The following TBC1D8 variants were observed in gnomAD, a reference collection of about 807,000 sequenced individuals.
The protein encoded by TBC1D8 is TBC1 domain family member 8, also known as BUB2-like protein 1.
In TBC1D8, 65 loss-of-function variants were observed where a neutral mutation model predicts 118.8. The ratio of observed to expected loss-of-function variants is 0.55; its 90% confidence interval spans 0.45 to 0.67. TBC1D8 has a LOEUF of 0.67. TBC1D8 is among the 30% of genes least tolerant of loss of function. The pLI, the probability that TBC1D8 is intolerant of heterozygous loss-of-function variation, is 0.00. For missense variants in TBC1D8, 1,376 were observed against 1,471.2 expected, an observed-to-expected ratio of 0.94 and a Z score of 1.06; for synonymous variants, 566 against 595.8, an observed-to-expected ratio of 0.95 and a Z score of 0.73.
chr2:101,111,744 A>T (rs1268604016), intron 1 of TBC1D8, among the ~76,000 whole-genome samples: 1 of 152,194 alleles, frequency 6.6e-6, no homozygotes, highest in Admixed American at 6.5e-5. Flanking sequence ...GTCTTCACTC[A>T]AAACCTGAAA....
chr2:101,071,382 T>C (rs758148427), intron 2 of TBC1D8, among the ~76,000 whole-genome samples: 1 of 151,854 alleles, frequency 6.6e-6, no homozygotes, highest in Non-Finnish European at 1.5e-5. Context: ...AATAAATAAA[T>C]AAATAAATAA....
intron 1 of TBC1D8, among the ~76,000 whole-genome samples, chr2:101,094,475 C>A (rs1257974362): frequency 6.6e-6 from 1 of 152,194 alleles, no homozygotes; most frequent in African/African-American, 2.4e-5. Context: ...CACACCCCCA[C>A]ATGCTTGGCA....
chr2:101,059,591 T>G, intron 2 of TBC1D8, 52 bp from the exon 3 acceptor site: 3 of 1,397,480 alleles, frequency 2.1e-6, no homozygotes, highest in Non-Finnish European at 3.0e-6. Context: ...ATAGAAGTAA[T>G]TCCTAGAACG....
At chr2:101,018,931 C>G in intron 17 of TBC1D8, 3 of 1,578,178 alleles carry the variant, frequency 1.9e-6, no homozygotes, top group Non-Finnish European at 2.6e-6. Flanking sequence ...TCCTAATCTT[C>G]TGGAATGCTC....
chr2:101,122,106 T>TC (rs1678140534), intron 1 of TBC1D8, among the ~76,000 whole-genome samples: 1 of 146,700 alleles, frequency 6.8e-6, no homozygotes, highest in Non-Finnish European at 1.5e-5. Context: ...GGAGTCTTGC[T>TC]CTGCCGCGAG....
chr2:101,025,353 C>T (rs1204680345), intron 15 of TBC1D8, among the ~76,000 whole-genome samples: 8 of 152,054 alleles, frequency 5.3e-5, no homozygotes, highest in Admixed American at 4.6e-4. Flanking sequence ...CAGCCACCCG[C>T]GTAGCTGGGA....
intron 2 of TBC1D8, among the ~76,000 whole-genome samples, chr2:101,072,874 C>T (rs59206209): frequency 0.09 from 13,615 of 152,042 alleles, 1,759 homozygotes; most frequent in African/African-American, 0.28. Flanking sequence ...GGGATCTGCC[C>T]CCCGACCCAA....
intron 5 of TBC1D8, among the ~76,000 whole-genome samples, chr2:101,048,439 G>T (rs1681845692): frequency 6.6e-6 from 1 of 152,072 alleles, no homozygotes; most frequent in Non-Finnish European, 1.5e-5. Flanking sequence ...TTCACAGGGG[G>T]CAACGAGCAC....
chr2:101,103,638 C>T (rs554275807), intron 1 of TBC1D8, among the ~76,000 whole-genome samples: 4 of 152,112 alleles, frequency 2.6e-5, no homozygotes, highest in South Asian at 2.1e-4. Flanking sequence ...ATGATCCGCC[C>T]GCCTTGGCCT....
intron 1 of TBC1D8, among the ~76,000 whole-genome samples, chr2:101,121,630 G>T (rs2104234480): frequency 6.6e-6 from 1 of 152,354 alleles, no homozygotes; most frequent in South Asian, 2.1e-4. Context: ...TCAAGAAAAG[G>T]CCCCAGCTGC....
At chr2:101,056,379 T>C (rs1682435196) in intron 3 of TBC1D8, among the ~76,000 whole-genome samples, 1 of 151,982 alleles carries the variant, frequency 6.6e-6, no homozygotes, top group Non-Finnish European at 1.5e-5. Context: ...AATTTCTGTA[T>C]TTTTAGTAGA....
Position 101,060,275 on chromosome 2 carries a change from C to T in TBC1D8, c.284-736G>A, listed in dbSNP as rs1161201117. 4.6e-5 allele frequency among the ~76,000 whole-genome samples: 7 copies of T among 152,316 alleles called. No homozygotes were observed. In the East Asian group the frequency reaches 1.2e-3, roughly 25 times the overall value. Reference sequence around the variant, plus strand: ...AAGTTCTCCCATGAAAACAAGGGTGCCTTCAAGAAGTACTAAAGCCCAAGT... The same window carrying T: ...AAGTTCTCCCATGAAAACAAGGGTGTCTTCAAGAAGTACTAAAGCCCAAGT... On this transcript the variant is annotated intron_variant, in intron 2 of 19. Transcript: ENST00000409318.
chr2:101,009,249 A>C (rs917683681), intron 19 of TBC1D8, among the ~76,000 whole-genome samples: 1 of 151,728 alleles, frequency 6.6e-6, no homozygotes, highest in African/African-American at 2.4e-5. Context: ...TTAAAAATAC[A>C]AAAAAAATTA....
intron 19 of TBC1D8, 131 bp from the exon 20 acceptor site, chr2:101,008,404 T>A: frequency 2.7e-6 from 2 of 736,738 alleles, no homozygotes; most frequent in South Asian, 2.3e-5. Context: ...GAAAAGGTAG[T>A]CTCTGCCTTT....
chr2:101,019,074 C>G lies in TBC1D8; in HGVS notation c.2827+2607G>C, dbSNP rs770241299. On this transcript the variant is annotated intron_variant, in intron 17 of 19. Transcript: ENST00000409318. ...CCTGGAAGTGGATGAGGCCTTGGGT[C>G]TCGGCTCTTCATTGCTTCCTGAGCT... 6 of 1,597,482 alleles carry G rather than the reference C, an allele frequency of 3.8e-6. No individual in the cohort carries two copies. In the Admixed American group the frequency reaches 8.7e-5, roughly 23 times the overall value.
intron 1 of TBC1D8, among the ~76,000 whole-genome samples, chr2:101,113,735 A>C (rs558812241): frequency 2.6e-5 from 4 of 152,198 alleles, no homozygotes; most frequent in Non-Finnish European, 4.4e-5. Context: ...CTCCTTTGCA[A>C]AATGGAAATC....
rs1678810019 is a variant in TBC1D8 at position 101,007,451 on chromosome 2, A to G, written c.*370T>C. 6.6e-6 allele frequency among the ~76,000 whole-genome samples: 1 copy of G among 152,174 alleles called. No individual in the cohort carries two copies. Among genetic ancestry groups the G allele is most frequent in the African/African-American group, 2.4e-5 (1 of 41,446 alleles). On this transcript the variant is annotated 3_prime_UTR_variant, in exon 20 of 20. Transcript: ENST00000409318. ...GTGAACTTGATTCCTGACCTCTCCCATTGTCACTCCAAGTGAAAAATGAAA... is the reference window on the plus strand; with the variant it reads ...GTGAACTTGATTCCTGACCTCTCCCGTTGTCACTCCAAGTGAAAAATGAAA...
At chr2:101,123,224 G>A (rs976503646) in intron 1 of TBC1D8, among the ~76,000 whole-genome samples, 3 of 152,134 alleles carry the variant, frequency 2.0e-5, no homozygotes, top group East Asian at 1.9e-4. Context: ...AACAGTCATC[G>A]TGACCAGCCT....
Position 101,090,383 on chromosome 2 carries a change from G to A in TBC1D8, c.128-19C>T. ...AGGCGACCTTCAAAAGAAAAGAGAA[G>A]AAAGTGCACCTGTGAGCATGGGGCT... On this transcript the variant is annotated intron_variant, in intron 1 of 19. Coordinates refer to ENST00000409318, the MANE Select transcript of TBC1D8 (RefSeq NM_001330348.2). The A allele has an allele frequency of 1.2e-6, 2 of 1,613,418 alleles. No individual in the cohort carries two copies. Among genetic ancestry groups the A allele is most frequent in the South Asian group, 1.1e-5 (1 of 91,050 alleles).
Sources: allele counts gnomAD v4.1 joint callset (sites outside exome capture counted in the v4.1 genomes callset), GRCh38; gene constraint gnomAD v4.1.1; transcripts MANE v1.5; gene names NCBI Gene and HGNC (gene_info 2026-07-23, HGNC 2026-07-21).